Variants in WASF2 observed in about 807,000 individuals in gnomAD.
The protein encoded by WASF2 is actin-binding protein WASF2.
A neutral mutation model predicts 45.0 loss-of-function variants in WASF2; 14 were observed. That is an observed-to-expected ratio of 0.31 (90% confidence interval 0.21 to 0.49). The LOEUF (loss-of-function observed/expected upper bound fraction) is 0.49. Ranked by LOEUF, WASF2 falls within the 20% of genes least tolerant of loss-of-function variation. The pLI is 0.99. For missense variants in WASF2, 439 were observed against 636.1 expected, an observed-to-expected ratio of 0.69 and a Z score of 3.33; for synonymous variants, 200 against 236.3, an observed-to-expected ratio of 0.85 and a Z score of 1.41.
At chr1:27,466,603 G>A (rs1187360625) in intron 1 of WASF2, among the ~76,000 whole-genome samples, 1 of 152,194 alleles carries the variant, frequency 6.6e-6, no homozygotes, top group Non-Finnish European at 1.5e-5. Flanking sequence ...GCGCAGTGGT[G>A]CATACCTGAA....
chr1:27,417,062 C>T (rs1203556833), intron 4 of WASF2, among the ~76,000 whole-genome samples: 1 of 152,166 alleles, frequency 6.6e-6, no homozygotes, highest in Non-Finnish European at 1.5e-5. Context: ...GTTAGATACA[C>T]CACCACTCAT....
chr1:27,467,215 CAAA>C (rs59404190), intron 1 of WASF2, among the ~76,000 whole-genome samples: 3 of 84,784 alleles, frequency 3.5e-5, no homozygotes, highest in Admixed American at 1.5e-4. Context: ...GACCTTGTCT[CAAA>C]AAAAAAAAAA....
At chr1:27,467,393 C>T (rs561840394) in intron 1 of WASF2, among the ~76,000 whole-genome samples, 2 of 149,454 alleles carry the variant, frequency 1.3e-5, no homozygotes, top group South Asian at 2.1e-4. Context: ...CTCCGCCTCC[C>T]GGGTTCATGC....
chr1:27,426,040 A>G (rs2016976067), intron 2 of WASF2, among the ~76,000 whole-genome samples: 1 of 152,074 alleles, frequency 6.6e-6, no homozygotes, highest in African/African-American at 2.4e-5. Flanking sequence ...TTAAAAAAAA[A>G]AATTGTAAAA....
At chr1:27,416,267 G>A (rs1046436747) in intron 4 of WASF2, among the ~76,000 whole-genome samples, 165 bp from the exon 5 acceptor site, 1 of 152,152 alleles carries the variant, frequency 6.6e-6, no homozygotes, top group African/African-American at 2.4e-5. Flanking sequence ...CAATGCCCCC[G>A]AATGGCACCT....
chr1:27,479,409 C>G (rs2017815636), intron 1 of WASF2, among the ~76,000 whole-genome samples: 3 of 152,150 alleles, frequency 2.0e-5, no homozygotes, highest in Non-Finnish European at 2.9e-5. Context: ...GCAACATACC[C>G]ACACCTCATC....
chr1:27,475,588 C>G (rs1489697073), intron 1 of WASF2, among the ~76,000 whole-genome samples: 1 of 152,116 alleles, frequency 6.6e-6, no homozygotes. Context: ...ATTTTATTTT[C>G]TAACATACAT....
intron 1 of WASF2, among the ~76,000 whole-genome samples, chr1:27,436,644 G>T (rs756716137): frequency 2.6e-5 from 4 of 152,130 alleles, no homozygotes; most frequent in Non-Finnish European, 4.4e-5. Context: ...TCATTACCAT[G>T]CAGCAACTAC....
intron 1 of WASF2, among the ~76,000 whole-genome samples, chr1:27,467,806 G>A (rs2017636058): frequency 6.6e-6 from 1 of 151,854 alleles, no homozygotes; most frequent in Non-Finnish European, 1.5e-5. Flanking sequence ...CAGCTACTGG[G>A]GAGGCTGAGG....
At chr1:27,420,884 T>TA (rs1160283360) in intron 2 of WASF2, among the ~76,000 whole-genome samples, 2 of 152,162 alleles carry the variant, frequency 1.3e-5, no homozygotes, top group Non-Finnish European at 2.9e-5. Flanking sequence ...AATCAAATGA[T>TA]AATCTTTTTT....
In WASF2 at chr1:27,482,084, T is replaced by C. The variant is rs566209841; in HGVS notation, c.-44+7902A>G. ...GGTAACTATTCTGAGATACTATTCA[T>C]AACTATACATTTGAATTCTGTAAAG... On this transcript the variant is annotated intron_variant, in intron 1 of 8. Transcript: ENST00000618852. Among the ~76,000 whole-genome samples the C allele has an allele frequency of 2.0e-5, 3 of 152,366 alleles. No individual in the cohort carries two copies. In the East Asian group the frequency reaches 5.8e-4, roughly 29 times the overall value.
intron 1 of WASF2, among the ~76,000 whole-genome samples, chr1:27,453,651 G>A (rs1377689605): frequency 6.6e-6 from 1 of 151,296 alleles, no homozygotes; most frequent in African/African-American, 2.4e-5. Context: ...CTAGCACTTT[G>A]GGAGGCCAAG....
At chr1:27,447,802 A>T (rs1343548503) in intron 1 of WASF2, among the ~76,000 whole-genome samples, 1 of 152,210 alleles carries the variant, frequency 6.6e-6, no homozygotes, top group Non-Finnish European at 1.5e-5. Context: ...TCTCTTGCAA[A>T]ATTTAAATGA....
At chr1:27,412,801 C>G (rs1235906804) in intron 6 of WASF2, 74 bp from the exon 7 acceptor site, 1 of 1,554,560 alleles carries the variant, frequency 6.4e-7, no homozygotes, top group African/African-American at 1.4e-5. Flanking sequence ...AAAGGTACTA[C>G]AAAAATGCAT....
intron 4 of WASF2, among the ~76,000 whole-genome samples, chr1:27,417,524 C>G (rs1011984290): frequency 1.3e-5 from 2 of 152,184 alleles, no homozygotes; most frequent in African/African-American, 2.4e-5. Context: ...CTCCAGCTAT[C>G]TGTAATTACT....
chr1:27,414,034 CCTTTT>C lies in WASF2; in HGVS notation c.668+794_668+798del, dbSNP rs2016797204. Among the ~76,000 whole-genome samples, 1 of 152,192 alleles carries C rather than the reference CCTTTT, an allele frequency of 6.6e-6. No homozygotes were observed. The highest frequency in any genetic ancestry group is 1.5e-5 in the Non-Finnish European group (1 of 68,030). On this transcript the variant is annotated intron_variant, in intron 6 of 8. Transcript: ENST00000618852. This position sits in a 1 kb window ranked among gnomAD's most constrained non-coding sequence, Gnocchi z 4.1. ...AAAAGCAAGAACAACTCAACTCTTT[CCTTTT>C]ATCATTCCTAGACACCCAGCATGGG...
intron 1 of WASF2, among the ~76,000 whole-genome samples, chr1:27,445,643 A>G (rs1413130010): frequency 1.3e-5 from 2 of 152,216 alleles, no homozygotes; most frequent in African/African-American, 4.8e-5. Flanking sequence ...TCCTTTAAAC[A>G]ACATAAACAC....
intron 1 of WASF2, among the ~76,000 whole-genome samples, chr1:27,448,744 AG>A (rs1186615947): frequency 6.7e-6 from 1 of 150,064 alleles, no homozygotes; most frequent in Non-Finnish European, 1.5e-5. Flanking sequence ...CAGAAGGCTG[AG>A]GCAGGAGAAT....
chr1:27,474,599 G>A (rs1185691284), intron 1 of WASF2, among the ~76,000 whole-genome samples: 1 of 151,580 alleles, frequency 6.6e-6, no homozygotes, highest in African/African-American at 2.4e-5. Context: ...ATGAAACCCC[G>A]CCTCTACTAA....
Sources: gnomAD v4.1 joint callset for allele counts (sites outside exome capture counted in the v4.1 genomes callset) on GRCh38, gnomAD v4.1.1 for gene constraint, Gnocchi (gnomAD v3.1) non-coding constraint, MANE v1.5 for transcripts, NCBI Gene and HGNC (gene_info 2026-07-23, HGNC 2026-07-21) for gene names.